The following ASIC2 variants were observed in gnomAD, a reference collection of about 807,000 sequenced individuals.
ASIC2 encodes acid sensing ion channel subunit 2.
ASIC2 carries 25 observed loss-of-function variants against 57.3 expected under a neutral mutation model. That is an observed-to-expected ratio of 0.44 (90% CI 0.32 to 0.61). The LOEUF (loss-of-function observed/expected upper bound fraction) is 0.61, where lower values mean the gene tolerates loss of function less well. ASIC2 is among the 20% of genes least tolerant of loss of function. The pLI is 0.06. For synonymous variants in ASIC2, 319 were observed against 307.5 expected, an observed-to-expected ratio of 1.04 and a Z score of -0.39; for missense variants, 641 against 738.1, an observed-to-expected ratio of 0.87 and a Z score of 1.52.
At chr17:33,904,048 A>G (rs1279424220) in intron 1 of ASIC2, among the ~76,000 whole-genome samples, 1 of 150,728 alleles carries the variant, frequency 6.6e-6, no homozygotes, top group Non-Finnish European at 1.5e-5. Context: ...CTGTAATTCC[A>G]GCTACTCGGG....
At chr17:33,704,252 T>G (rs1908795623) in intron 1 of ASIC2, among the ~76,000 whole-genome samples, 1 of 152,208 alleles carries the variant, frequency 6.6e-6, no homozygotes, top group Non-Finnish European at 1.5e-5. Context: ...CGTTATCATG[T>G]AAAAAACACA....
chr17:33,613,369 CTTTTT>C (rs546720725), intron 1 of ASIC2, among the ~76,000 whole-genome samples: 1 of 126,832 alleles, frequency 7.9e-6, no homozygotes, highest in Non-Finnish European at 1.7e-5. Context: ...AATGTGTATT[CTTTTT>C]TTTTTTTTTT....
chr17:33,401,354 A>G (rs1434656936), intron 1 of ASIC2, among the ~76,000 whole-genome samples: 1 of 152,048 alleles, frequency 6.6e-6, no homozygotes, highest in Non-Finnish European at 1.5e-5. Flanking sequence ...CATCAATCTG[A>G]ACTCCATTCC....
At chr17:34,071,104 A>G (rs1909381994) in intron 1 of ASIC2, 1 of 151,932 alleles carries the variant, frequency 6.6e-6, no homozygotes, top group South Asian at 2.1e-4. Context: ...AAGTGTGCAC[A>G]CACCCTTGTT....
At chr17:33,482,755 C>G (rs1052093601) in intron 1 of ASIC2, among the ~76,000 whole-genome samples, 1 of 152,198 alleles carries the variant, frequency 6.6e-6, no homozygotes, top group Non-Finnish European at 1.5e-5. Context: ...CCACACTACC[C>G]CATCACCCCC....
chr17:33,145,057 T>A (rs1439363611), intron 1 of ASIC2, among the ~76,000 whole-genome samples: 1 of 152,216 alleles, frequency 6.6e-6, no homozygotes, highest in Non-Finnish European at 1.5e-5. Flanking sequence ...GCATTTCAGT[T>A]CCCTTCTTAC....
At chr17:34,106,876 G>A (rs1911080385) in intron 1 of ASIC2, among the ~76,000 whole-genome samples, 1 of 152,088 alleles carries the variant, frequency 6.6e-6, no homozygotes, top group South Asian at 2.1e-4. Context: ...TGGTAGTAGA[G>A]ACAAAATTAT....
intron 1 of ASIC2, among the ~76,000 whole-genome samples, chr17:33,890,641 T>A (rs761728699): frequency 6.6e-6 from 1 of 152,182 alleles, no homozygotes; most frequent in African/African-American, 2.4e-5. Context: ...CCGTCCATTC[T>A]ATGTAGAGTT....
intron 1 of ASIC2, among the ~76,000 whole-genome samples, chr17:33,699,999 A>AC (rs142587410): frequency 0.16 from 24,208 of 152,010 alleles, 2,039 homozygotes; most frequent in African/African-American, 0.22. Flanking sequence ...GGAAAAAAAA[A>AC]CCCTGAAAAC....
At chr17:34,033,122 C>T (rs11651033) in intron 1 of ASIC2, among the ~76,000 whole-genome samples, 18,827 of 152,174 alleles carry the variant, frequency 0.12, 1,253 homozygotes, top group South Asian at 0.19. Context: ...AAGTAAAGCA[C>T]TCCTCAGCAA....
intron 1 of ASIC2, among the ~76,000 whole-genome samples, chr17:33,440,371 A>G (rs369216395): frequency 6.6e-6 from 1 of 152,390 alleles, no homozygotes; most frequent in South Asian, 2.1e-4. Flanking sequence ...TTTATTAAAC[A>G]GCTGACAATT....
chr17:33,663,902 C>T (rs1311261143), intron 1 of ASIC2, among the ~76,000 whole-genome samples: 3 of 152,190 alleles, frequency 2.0e-5, no homozygotes, highest in African/African-American at 7.2e-5. Flanking sequence ...CTCAGAGTCC[C>T]TCAGGCCCTA....
intron 1 of ASIC2, among the ~76,000 whole-genome samples, chr17:33,464,455 TTC>T (rs760389511): frequency 8.0e-4 from 55 of 68,610 alleles, no homozygotes; most frequent in African/African-American, 3.7e-3. Context: ...ATGCCTCTTT[TTC>T]TCTTTCTTTC....
At chr17:33,908,868 CT>C (rs1232303436) in intron 1 of ASIC2, among the ~76,000 whole-genome samples, 2 of 152,180 alleles carry the variant, frequency 1.3e-5, no homozygotes, top group Non-Finnish European at 2.9e-5. Context: ...TCAATTAATA[CT>C]TATTAATCCC....
chr17:33,869,065 A>G (rs1013525603), intron 1 of ASIC2, among the ~76,000 whole-genome samples: 1 of 152,190 alleles, frequency 6.6e-6, no homozygotes, highest in African/African-American at 2.4e-5. Context: ...ACTCTGTCTC[A>G]AAAGAGAAAA....
At chr17:33,027,884 G>C (rs2141903030) in intron 4 of ASIC2, among the ~76,000 whole-genome samples, 1 of 152,374 alleles carries the variant, frequency 6.6e-6, no homozygotes, top group Non-Finnish European at 1.5e-5. Context: ...ACATCTGGAT[G>C]AAAGAAACAT....
At chr17:33,827,272 C>T (rs141107610) in intron 1 of ASIC2, among the ~76,000 whole-genome samples, 2 of 150,264 alleles carry the variant, frequency 1.3e-5, no homozygotes, top group African/African-American at 4.9e-5. Context: ...GAGACAAAGA[C>T]AACATGTTTC....
intron 1 of ASIC2, among the ~76,000 whole-genome samples, chr17:33,312,196 T>C (rs1597677676): frequency 6.6e-6 from 1 of 152,162 alleles, no homozygotes; most frequent in East Asian, 1.9e-4. Flanking sequence ...GTGAGAGCAA[T>C]ATAGGTAACC....
chr17:33,916,358 A>G (rs931296285), intron 1 of ASIC2, among the ~76,000 whole-genome samples: 2 of 152,172 alleles, frequency 1.3e-5, no homozygotes, highest in Non-Finnish European at 2.9e-5. Context: ...TAATACCACA[A>G]GGAGAGAGAG....
Sources: allele counts gnomAD v4.1 joint callset (sites outside exome capture counted in the v4.1 genomes callset), GRCh38; gene constraint gnomAD v4.1.1; transcripts MANE v1.5; gene names NCBI Gene and HGNC (gene_info 2026-07-23, HGNC 2026-07-21).